Variants in NLRX1 observed in about 807,000 individuals in gnomAD.
NLRX1 encodes NLR family member X1.
In NLRX1, 67 loss-of-function variants were observed where a neutral mutation model predicts 74.2. The observed-to-expected ratio is 0.90, with a 90% CI of 0.74 to 1.11. NLRX1 has a LOEUF of 1.11. Ranked by LOEUF, NLRX1 falls within the 50% of genes least tolerant of loss-of-function variation. The pLI is 0.00. For missense variants in NLRX1, 1,191 were observed against 1,305.4 expected, an observed-to-expected ratio of 0.91 and a Z score of 1.35; for synonymous variants, 506 against 559.1, an observed-to-expected ratio of 0.91 and a Z score of 1.34.
At chr11:119,182,482 C>G (rs1948865726) in intron 9 of NLRX1, 137 bp downstream of exon 9, 2 of 1,278,682 alleles carry the variant, frequency 1.6e-6, no homozygotes, top group Non-Finnish European at 2.1e-6. Flanking sequence ...CTGACTGATC[C>G]TTGTCAACCT....
intron 7 of NLRX1, 67 bp from the exon 8 acceptor site, chr11:119,181,104 T>C: frequency 8.9e-7 from 1 of 1,120,766 alleles, no homozygotes; most frequent in Non-Finnish European, 1.4e-6. Context: ...GCATGGTAGA[T>C]GGACAGACTG....
In NLRX1 at chr11:119,172,849, A is replaced by G. The variant is rs139598022; in HGVS notation, c.141-52A>G. On this transcript the variant is annotated intron_variant, in intron 3 of 9. Transcript: ENST00000409109. ...ATAGGCTTGGACCCAGAGCCTGTGA[A>G]GGGGCTGATCCAAGTTACAAGTCCC... 2,280 of 1,352,554 alleles carry G rather than the reference A, an allele frequency of 1.7e-3. 31 individuals are homozygous for G. The African/African-American group carries it at 0.029, about 17-fold the overall frequency. The allele number at this position is 1,352,554 out of a possible 1,614,324, so 83.8% of individuals were successfully genotyped here. A position where few individuals can be genotyped will look rare whatever the true frequency, so the allele number is the denominator to read the frequency against.
intron 7 of NLRX1, among the ~76,000 whole-genome samples, chr11:119,180,812 A>G (rs1465213283): frequency 2.0e-5 from 3 of 152,094 alleles, no homozygotes; most frequent in Non-Finnish European, 4.4e-5. Flanking sequence ...AGGCCAAGGC[A>G]GAAGCATCAC....
chr11:119,171,335 T>C, intron 1 of NLRX1, 21 bp from the exon 2 acceptor site: 1 of 1,565,992 alleles, frequency 6.4e-7, no homozygotes, highest in South Asian at 1.1e-5. Flanking sequence ...CAGTGATCCA[T>C]TCGTACTATT....
rs1224089392 is a variant in NLRX1 at position 119,179,776 on chromosome 11, G to C, written c.1755G>C (p.Glu585Asp). The change falls in exon 7 of 10, where the codon GAG (glutamate) becomes GAC (aspartate). Residue 585 changes from glutamate (E) to aspartate (D), a missense_variant. Transcript: ENST00000409109. ...CCATGGTGCTGGAGATGTTTCGAGA[G>C]GAGGACTACTACAACGATGATGTTC... Reference protein sequence around the residue: ...AQAMVLEMFREEDYYNDDVLD... With the variant: ...AQAMVLEMFRDEDYYNDDVLD... 1 of 1,614,210 alleles carries C rather than the reference G, an allele frequency of 6.2e-7. No individual in the cohort carries two copies.
rs576730532 is a variant in NLRX1 at position 119,172,977 on chromosome 11, G to A, written c.217G>A (p.Ala73Thr). 20 of 1,613,432 alleles carry A rather than the reference G, an allele frequency of 1.2e-5. No individual in the cohort carries two copies. Among genetic ancestry groups the A allele is most frequent in the Admixed American group, 1.7e-5 (1 of 59,956 alleles). The change falls in exon 4 of 10, where the codon GCC (alanine) becomes ACC (threonine). Residue 73 changes from alanine to threonine, a missense_variant. Ala to Thr is a moderately conservative substitution (Grantham distance 58, BLOSUM62 0). Transcript: ENST00000409109. ...GAGGCATGGACGGCTGTTCCCCAGC[G>A]CCTCTGCAACTGGTAAAGGGACTGG... ...PGRHGRLFPS[A>T]SATEAIQRHR...
chr11:119,171,954 CAA>C (rs555636753), intron 2 of NLRX1, among the ~76,000 whole-genome samples: 4 of 135,090 alleles, frequency 3.0e-5, no homozygotes, highest in Admixed American at 7.5e-5. Flanking sequence ...GACTCTGTCT[CAA>C]AAAAAAAAAA....
intron 7 of NLRX1, 29 bp from the exon 8 acceptor site, chr11:119,181,126 CCCTCCCTGGTCTCTCA>C (rs1490433797): frequency 1.5e-6 from 2 of 1,377,594 alleles, no homozygotes; most frequent in African/African-American, 1.4e-5. Context: ...CTGCTGAATT[CCCTCCCTGGTCTCTCA>C]CCTCCCCTCT....
At position 119,174,499 on chromosome 11, in the gene NLRX1, C is replaced by T. The variant is rs1948640487; in HGVS notation, c.896C>T (p.Pro299Leu). The T allele has an allele frequency of 6.2e-7, 1 of 1,614,112 alleles. No individual in the cohort carries two copies. Among genetic ancestry groups the T allele is most frequent in the South Asian group, 1.1e-5 (1 of 91,092 alleles). ...CGGCCCTCTGCCATTGGCCGTATCCCCAGCAAGTACGTGGGCCGCTATGGT... is the reference window on the plus strand; with the variant it reads ...CGGCCCTCTGCCATTGGCCGTATCCTCAGCAAGTACGTGGGCCGCTATGGT... Reference protein sequence around the residue: ...TTRPSAIGRIPSKYVGRYGEI... With the variant: ...TTRPSAIGRILSKYVGRYGEI... Residue 299 changes from proline to leucine, a missense_variant, in exon 6 of 10, where the codon CCC (proline) becomes CTC (leucine). Transcript: ENST00000409109.
In NLRX1 at chr11:119,173,003, CT is replaced by C. The variant is rs770489813; in HGVS notation, c.229+15del. On this transcript the variant is annotated intron_variant, in intron 4 of 9. Transcript: ENST00000409109. The surrounding 1 kb of genome is among the most constrained non-coding windows in gnomAD (Gnocchi z 4.0). Reference sequence around the variant, plus strand: ...CCTCTGCAACTGGTAAAGGGACTGGCTGGGACCCTGGTCAGGGGGTGTGGTG... The same window carrying C: ...CCTCTGCAACTGGTAAAGGGACTGGCGGGACCCTGGTCAGGGGGTGTGGTG... 1.5e-4 allele frequency: 234 copies of C among 1,602,400 alleles called. No individual in the cohort carries two copies. The highest frequency in any genetic ancestry group is 9.4e-6 in the Non-Finnish European group (11 of 1,172,774).
chr11:119,183,686 T>G lies in NLRX1; in HGVS notation c.*247T>G. ...GGAACATGCCTCCTCTCCATTCAGC[T>G]AGAAGGACCAAAGCATGTGGCATTT... On this transcript the variant is annotated 3_prime_UTR_variant, in exon 10 of 10. Coordinates refer to ENST00000409109, the MANE Select transcript of NLRX1 (RefSeq NM_001282144.2). This position sits in a 1 kb window ranked among gnomAD's most constrained non-coding sequence, Gnocchi z 5.7. The G allele has an allele frequency of 2.7e-6, 2 of 749,506 alleles. No individual in the cohort carries two copies. The highest frequency in any genetic ancestry group is 4.9e-6 in the Non-Finnish European group (2 of 408,352). The allele number at this position is 749,506 out of a possible 1,614,324, so 46.4% of individuals were successfully genotyped here. A position where few individuals can be genotyped will look rare whatever the true frequency, so the allele number is the denominator to read the frequency against.
At position 119,173,983 on chromosome 11, in the gene NLRX1, A is replaced by G. The variant is rs993860774; in HGVS notation, c.734A>G (p.Glu245Gly). ...SHLLFVLHGL[E>G]HLNLDFRLAG... The stretch of plus-strand genomic sequence containing the variant: ...CTCCTCTTTGTGCTCCATGGCTTAG[A>G]GCATCTCAACCTCGACTTCCGGCTG... Residue 245 changes from glutamate to glycine, a missense_variant, in exon 5 of 10, where the codon GAG (glutamate) becomes GGG (glycine). By Grantham distance (98) the Glu-to-Gly change is moderately conservative. Transcript: ENST00000409109. The surrounding 1 kb of genome is among the most constrained non-coding windows in gnomAD (Gnocchi z 4.0). 1.9e-6 allele frequency: 3 copies of G among 1,613,916 alleles called. No individual in the cohort carries two copies. The highest frequency in any genetic ancestry group is 1.3e-5 in the African/African-American group (1 of 74,876).
Position 119,182,319 on chromosome 11 carries a change from G to A in NLRX1, c.2580G>A (p.Arg860=). The A allele has an allele frequency of 6.2e-7, 1 of 1,613,010 alleles. No homozygotes were observed. Among genetic ancestry groups the A allele is most frequent in the Non-Finnish European group, 8.5e-7 (1 of 1,179,886 alleles). ...TAALALARAA[R]EHPSLELLHL... is the part of the protein sequence containing the mutation. ...CCCTGGCCCTGGCCAGAGCTGCCCG[G>A]GAGCACCCTTCCCTGGAACTGCTAC... The change falls in exon 9 of 10, where the codon CGG becomes CGA. Residue 860 remains arginine (R), a synonymous_variant. Coordinates refer to ENST00000409109, the MANE Select transcript of NLRX1 (RefSeq NM_001282144.2).
In NLRX1 at chr11:119,183,449, G is replaced by A. The variant is rs760488506; in HGVS notation, c.*10G>A. On this transcript the variant is annotated 3_prime_UTR_variant, in exon 10 of 10. Transcript: ENST00000409109. The surrounding 1 kb of genome is among the most constrained non-coding windows in gnomAD (Gnocchi z 5.7). Reference sequence around the variant, plus strand: ...AAGCTCTGGAAGCTGAGACACTGGCGGCAGGCACCTAGCTATGTGACCACT... The same window carrying A: ...AAGCTCTGGAAGCTGAGACACTGGCAGCAGGCACCTAGCTATGTGACCACT... 80 of 1,606,540 alleles carry A rather than the reference G, an allele frequency of 5.0e-5. No homozygotes were observed. The highest frequency in any genetic ancestry group is 1.3e-4 in the Admixed American group (8 of 59,330).
rs765211461 is a variant in NLRX1 at position 119,174,698 on chromosome 11, C to CGCTGCCT, written c.1099_1105dup (p.Phe369CysfsTer49). 5.0e-6 allele frequency: 8 copies of CGCTGCCT among 1,613,832 alleles called. No individual in the cohort carries two copies. The African/African-American group carries it at 1.1e-4, about 22-fold the overall frequency. On this transcript the variant is annotated frameshift_variant, in exon 6 of 10. Coordinates refer to ENST00000409109, the MANE Select transcript of NLRX1 (RefSeq NM_001282144.2). LOFTEE classifies it high-confidence loss of function. ...ACCTGGAGGGGCACCACCAGATAGC[C>CGCTGCCT]GCTGCCTGCTTCCTGCCGTCCTATT... is the stretch of plus-strand genomic sequence containing the variant.
Position 119,172,338 on chromosome 11 carries a change from T to G in NLRX1, c.71-18T>G. On this transcript the variant is annotated intron_variant, in intron 2 of 9. Transcript: ENST00000409109. ...TTGCATGGGATCTGCAGATGCTATT[T>G]CTTCCTTCTCTCTGTAGATGATCGT... 1 of 1,601,024 alleles carries G rather than the reference T, an allele frequency of 6.2e-7. No homozygotes were observed. The highest frequency in any genetic ancestry group is 8.6e-7 in the Non-Finnish European group (1 of 1,168,114).
At position 119,182,130 on chromosome 11, in the gene NLRX1, CGTGCTAATGGAGGG is replaced by C. The variant is rs1565835464; in HGVS notation, c.2393_2406del (p.Val798AlafsTer47). The C allele has an allele frequency of 6.2e-7, 1 of 1,614,158 alleles. No homozygotes were observed. The highest frequency in any genetic ancestry group is 1.7e-5 in the Admixed American group (1 of 60,024). On this transcript the variant is annotated frameshift_variant, in exon 9 of 10. Coordinates refer to ENST00000409109, the MANE Select transcript of NLRX1 (RefSeq NM_001282144.2). LOFTEE classifies it high-confidence loss of function. Reference sequence around the variant, plus strand: ...ACCCGCTGACGGCGGCAGGTGTTGCCGTGCTAATGGAGGGGCTGGCAGGAAACACCTCAGTGACG... The same window carrying C: ...ACCCGCTGACGGCGGCAGGTGTTGCCGCTGGCAGGAAACACCTCAGTGACG...
chr11:119,175,199 C>T lies in NLRX1; in HGVS notation c.1596C>T (p.Asp532=), dbSNP rs778880416. The T allele has an allele frequency of 3.5e-5, 57 of 1,614,052 alleles. No individual in the cohort carries two copies. The highest frequency in any genetic ancestry group is 4.5e-5 in the Non-Finnish European group (53 of 1,180,036). ...VAELVGRVGE[D]VSLVLGIMAK... ...AGCTCGTGGGCCGTGTTGGGGAGGA[C>T]GTCAGCCTGGTACTGGGCATCATGG... The change falls in exon 6 of 10, where the codon GAC becomes GAT. Residue 532 remains aspartate (D), a synonymous_variant. Coordinates refer to ENST00000409109, the MANE Select transcript of NLRX1 (RefSeq NM_001282144.2).
chr11:119,169,733 C>T (rs1565822957), intron 1 of NLRX1, among the ~76,000 whole-genome samples: 1 of 152,178 alleles, frequency 6.6e-6, no homozygotes, highest in Non-Finnish European at 1.5e-5. Context: ...CTCGCGCCTG[C>T]AGTCCCCGCA....
Sources: allele counts gnomAD v4.1 joint callset (sites outside exome capture counted in the v4.1 genomes callset), GRCh38; gene constraint gnomAD v4.1.1; non-coding constraint Gnocchi (gnomAD v3.1); transcripts MANE v1.5; gene names NCBI Gene and HGNC (gene_info 2026-07-23, HGNC 2026-07-21).